Variants in MET observed in about 807,000 individuals in gnomAD.
MET encodes the protein hepatocyte growth factor receptor.
In MET, 48 loss-of-function variants were observed where a neutral mutation model predicts 133.1. The ratio of observed to expected loss-of-function variants is 0.36; its 90% CI spans 0.29 to 0.46. The LOEUF (loss-of-function observed/expected upper bound fraction) is 0.46, where lower values mean the gene tolerates loss of function less well. Among genes scored for constraint, MET ranks in the 20% least tolerant of loss-of-function variants. The probability of loss-of-function intolerance (pLI) is 1.00; values close to 1 mark genes in which losing one functional copy is unlikely to be tolerated. For missense variants in MET, 1,442 were observed against 1,695.9 expected, an observed-to-expected ratio of 0.85 and a Z score of 2.63; for synonymous variants, 628 against 616.5, an observed-to-expected ratio of 1.02 and a Z score of -0.28.
intron 10 of MET, among the ~76,000 whole-genome samples, chr7:116,761,525 G>A (rs180794948): frequency 5.3e-5 from 8 of 152,180 alleles, no homozygotes; most frequent in Admixed American, 4.6e-4. Flanking sequence ...TATAGGTCCA[G>A]CCACAATAAC....
At position 116,672,355 on chromosome 7, in the gene MET, C is replaced by G. The variant is rs1796002470; in HGVS notation, c.-237C>G. 3.0e-6 allele frequency: 1 copy of G among 337,634 alleles called. No homozygotes were observed. Among genetic ancestry groups the G allele is most frequent in the Non-Finnish European group, 5.3e-6 (1 of 187,140 alleles). 20.9% of individuals were successfully genotyped at this position (337,634 alleles called of 1,614,324 possible). A position where few individuals can be genotyped will look rare whatever the true frequency, so the allele number is the denominator to read the frequency against. On this transcript the variant is annotated 5_prime_UTR_variant, in exon 1 of 21. Transcript: ENST00000397752. Reference sequence around the variant, plus strand: ...TGGGAAGGGGCGGAGGGAGTGCGGCCGGCGGGCGGGCGGGGCGCTGGGCTC... The same window carrying G: ...TGGGAAGGGGCGGAGGGAGTGCGGCGGGCGGGCGGGCGGGGCGCTGGGCTC...
At chr7:116,734,737 A>G (rs1330125175) in intron 3 of MET, among the ~76,000 whole-genome samples, 1 of 152,222 alleles carries the variant, frequency 6.6e-6, no homozygotes, top group African/African-American at 2.4e-5. Flanking sequence ...GTGTAAGTGA[A>G]CAATGAGAAC....
intron 1 of MET, among the ~76,000 whole-genome samples, chr7:116,693,784 A>G (rs758137419): frequency 6.6e-6 from 1 of 152,222 alleles, no homozygotes; most frequent in African/African-American, 2.4e-5. Context: ...TCTGTACAGT[A>G]TCTGACACTT....
In MET at chr7:116,672,478, C is replaced by T. The variant is rs1796008901; in HGVS notation, c.-114C>T. 7.5e-6 allele frequency: 3 copies of T among 397,934 alleles called. No homozygotes were observed. The highest frequency in any genetic ancestry group is 4.1e-5 in the African/African-American group (2 of 48,586). 24.7% of individuals were successfully genotyped at this position (397,934 alleles called of 1,614,324 possible). A position where few individuals can be genotyped will look rare whatever the true frequency, so the allele number is the denominator to read the frequency against. On this transcript the variant is annotated 5_prime_UTR_variant, in exon 1 of 21. Coordinates refer to ENST00000397752, the MANE Select transcript of MET (RefSeq NM_000245.4). ...CCGAGTGGAGGGCGCGAGCCAGATG[C>T]GGGGCGACAGCTGACTTGCTGAGAG...
chr7:116,689,839 C>T (rs1218563207), intron 1 of MET, among the ~76,000 whole-genome samples: 2 of 152,148 alleles, frequency 1.3e-5, no homozygotes, highest in East Asian at 1.9e-4. Flanking sequence ...GGATTGCTGG[C>T]GTGAGTCACA....
At chr7:116,751,975 G>A (rs2116889171) in intron 5 of MET, among the ~76,000 whole-genome samples, 1 of 152,116 alleles carries the variant, frequency 6.6e-6, no homozygotes, top group East Asian at 1.9e-4. Flanking sequence ...GCAGGAGAAT[G>A]GCGTGAACCT....
intron 1 of MET, among the ~76,000 whole-genome samples, chr7:116,687,899 C>G (rs913807283): frequency 2.0e-5 from 3 of 152,208 alleles, no homozygotes; most frequent in Non-Finnish European, 4.4e-5. Context: ...ATTTCTCTTT[C>G]TTTGTGTGAC....
At chr7:116,676,988 G>GTTTTTTTTTTTTTTTT (rs11404514) in intron 1 of MET, among the ~76,000 whole-genome samples, 1 of 147,634 alleles carries the variant, frequency 6.8e-6, no homozygotes. Context: ...GTGTTGTTTT[G>GTTTTTTTTTTTTTTTT]TTTTTTTTTT....
chr7:116,766,951 A>G (rs2116971726), intron 11 of MET, among the ~76,000 whole-genome samples: 1 of 152,240 alleles, frequency 6.6e-6, no homozygotes, highest in African/African-American at 2.4e-5. Flanking sequence ...TCAGTTCTGA[A>G]GCTGTCTGTG....
intron 1 of MET, among the ~76,000 whole-genome samples, chr7:116,697,077 C>T (rs1282393033): frequency 6.6e-6 from 1 of 152,190 alleles, no homozygotes; most frequent in Non-Finnish European, 1.5e-5. Context: ...CCCAGCAGCA[C>T]ACCCGACTCA....
At chr7:116,742,775 G>A (rs371610894) in intron 5 of MET, among the ~76,000 whole-genome samples, 6 of 152,218 alleles carry the variant, frequency 3.9e-5, no homozygotes, top group South Asian at 2.1e-4. Context: ...CAAAGGTTGC[G>A]TGCTACCATG....
intron 2 of MET, among the ~76,000 whole-genome samples, chr7:116,725,510 C>T (rs149678565): frequency 6.6e-4 from 99 of 148,908 alleles, no homozygotes; most frequent in Non-Finnish European, 1.3e-3. Flanking sequence ...GAATTATGTA[C>T]GGTCCTGCAT....
intron 2 of MET, among the ~76,000 whole-genome samples, chr7:116,714,661 G>A (rs1792121587): frequency 6.6e-6 from 1 of 151,948 alleles, no homozygotes; most frequent in Non-Finnish European, 1.5e-5. Flanking sequence ...ACAAACGATA[G>A]CCTGTTTTTA....
At position 116,672,507 on chromosome 7, in the gene MET, G is replaced by A. The variant is rs1423372708; in HGVS notation, c.-85G>A. On this transcript the variant is annotated 5_prime_UTR_variant, in exon 1 of 21. Transcript: ENST00000397752. ...GCGACAGCTGACTTGCTGAGAGGAG[G>A]CGGGGAGGCGCGGAGCGCGCGTGTG... is the stretch of plus-strand genomic sequence containing the variant. 1.0e-5 allele frequency: 4 copies of A among 397,962 alleles called. No individual in the cohort carries two copies. Among genetic ancestry groups the A allele is most frequent in the Non-Finnish European group, 1.8e-5 (4 of 225,738 alleles). 24.7% of individuals were successfully genotyped at this position (397,962 alleles called of 1,614,324 possible).
At chr7:116,754,893 G>GAGAAAGAA (rs542934651) in intron 5 of MET, among the ~76,000 whole-genome samples, 7,647 of 97,704 alleles carry the variant, frequency 0.078, 458 homozygotes, top group East Asian at 0.11. Context: ...GAGAGAAAGA[G>GAGAAAGAA]AGAAAGAAAG....
chr7:116,778,442 A>G (rs1000279027), intron 16 of MET, among the ~76,000 whole-genome samples: 1 of 152,210 alleles, frequency 6.6e-6, no homozygotes, highest in Non-Finnish European at 1.5e-5. Flanking sequence ...AGTGTTCTAC[A>G]TGGTTAATTT....
Position 116,699,058 on chromosome 7 carries a change from C to A in MET, c.-14-13C>A, listed in dbSNP as rs36080330. ...ACAACTGAACTGCTCTCGCCTTGAACCTGTTTTGGCAGATAAACCTCTCAT... is the reference window on the plus strand; with the variant it reads ...ACAACTGAACTGCTCTCGCCTTGAAACTGTTTTGGCAGATAAACCTCTCAT... On this transcript the variant is annotated splice_polypyrimidine_tract_variant and intron_variant, in intron 1 of 20. Coordinates refer to ENST00000397752, the MANE Select transcript of MET (RefSeq NM_000245.4). The A allele has an allele frequency of 6.2e-7, 1 of 1,613,562 alleles. No individual in the cohort carries two copies. The highest frequency in any genetic ancestry group is 1.1e-5 in the South Asian group (1 of 91,078).
intron 18 of MET, among the ~76,000 whole-genome samples, chr7:116,783,089 TC>T (rs1339576742): frequency 6.6e-6 from 1 of 152,236 alleles, no homozygotes; most frequent in Admixed American, 6.5e-5. Flanking sequence ...ATGATCTCTT[TC>T]CTCAGCCTGT....
intron 2 of MET, among the ~76,000 whole-genome samples, chr7:116,702,696 C>T (rs1016913058): frequency 3.3e-5 from 5 of 152,136 alleles, no homozygotes; most frequent in African/African-American, 4.8e-5. Context: ...TTATTAACAT[C>T]TCTAATACAT....
Sources: gnomAD v4.1 joint callset for allele counts (sites outside exome capture counted in the v4.1 genomes callset) on GRCh38, gnomAD v4.1.1 for gene constraint, MANE v1.5 for transcripts, NCBI Gene and HGNC (gene_info 2026-07-23, HGNC 2026-07-21) for gene names.